TMEM266: variants seen among roughly 807,000 people sequenced by gnomAD.
TMEM266 encodes transmembrane protein 266.
TMEM266 carries 33 observed loss-of-function variants against 50.5 expected under a neutral mutation model. That is an observed-to-expected ratio of 0.65 (90% CI 0.50 to 0.87). The LOEUF (loss-of-function observed/expected upper bound fraction) is 0.87, where lower values mean the gene tolerates loss of function less well. Among genes scored for constraint, TMEM266 ranks in the 40% least tolerant of loss-of-function variants. The probability of loss-of-function intolerance (pLI) is 0.00; values close to 1 mark genes in which losing one functional copy is unlikely to be tolerated. For missense variants in TMEM266, 655 were observed against 695.1 expected (o/e 0.94, Z 0.65); for synonymous variants, 310 against 292.3 (o/e 1.06, Z -0.62).
At chr15:76,196,555 T>A (rs2038659937) in intron 9 of TMEM266, among the ~76,000 whole-genome samples, 1 of 152,198 alleles carries the variant, frequency 6.6e-6, no homozygotes. Flanking sequence ...GGAGATGAAG[T>A]AAGGGCAGTG....
At chr15:76,119,484 G>T (rs1055078241) in intron 1 of TMEM266, among the ~76,000 whole-genome samples, 1 of 151,944 alleles carries the variant, frequency 6.6e-6, no homozygotes. Flanking sequence ...ATTGTGACGG[G>T]AGCCGGGCGC....
At chr15:76,071,820 C>G (rs1482198336) in intron 1 of TMEM266, among the ~76,000 whole-genome samples, 1 of 152,176 alleles carries the variant, frequency 6.6e-6, no homozygotes, top group Non-Finnish European at 1.5e-5. Context: ...GCTGCAAGAC[C>G]TAGAGCTGTG....
Position 76,175,671 on chromosome 15 carries a change from A to AG in TMEM266, c.768+1dup. The AG allele has an allele frequency of 6.2e-7, 1 of 1,613,540 alleles. No homozygotes were observed. Among genetic ancestry groups the AG allele is most frequent in the Non-Finnish European group, 8.5e-7 (1 of 1,179,518 alleles). On this transcript the variant is annotated frameshift_variant, in exon 8 of 11. Coordinates refer to ENST00000388942, the MANE Select transcript of TMEM266 (RefSeq NM_152335.3). LOFTEE classifies it high-confidence loss of function. ...GGCTGACGCAGATCTGTCAGGAGCA[A>AG]GGGGTAATGCACTGCCACTTTCGGC...
At chr15:76,189,995 T>G (rs1015919476) in intron 8 of TMEM266, among the ~76,000 whole-genome samples, 2 of 152,262 alleles carry the variant, frequency 1.3e-5, no homozygotes, top group Non-Finnish European at 2.9e-5. Flanking sequence ...AGTGCCAGGT[T>G]GCTGCCTGGC....
intron 10 of TMEM266, among the ~76,000 whole-genome samples, chr15:76,203,293 A>C (rs1367767679): frequency 6.6e-6 from 1 of 151,908 alleles, no homozygotes; most frequent in Admixed American, 6.6e-5. Context: ...TGTGGCAAAT[A>C]ACCCTGCATC....
chr15:76,156,943 CT>C, intron 4 of TMEM266, among the ~76,000 whole-genome samples, 185 bp downstream of exon 4: 1 of 152,180 alleles, frequency 6.6e-6, no homozygotes, highest in African/African-American at 2.4e-5. Flanking sequence ...CAGCTTCTCT[CT>C]CTGTCACCCC....
At chr15:76,095,722 C>T (rs4886762) in intron 1 of TMEM266, among the ~76,000 whole-genome samples, 76,465 of 151,592 alleles carry the variant, frequency 0.5, 20,376 homozygotes, top group Admixed American at 0.67. Flanking sequence ...TGGTAGAATT[C>T]GGCTGTGAAT....
Position 76,073,392 on chromosome 15 carries a change from C to G in TMEM266, c.-97+13376C>G, listed in dbSNP as rs374887015. Among the ~76,000 whole-genome samples, 35 of 152,064 alleles carry G rather than the reference C, an allele frequency of 2.3e-4. No individual in the cohort carries two copies. In the East Asian group the frequency reaches 4.8e-3, roughly 21 times the overall value. ...GGATTACAGGTACCCGCCACCATGC[C>G]TGGCTAATTTTTGTATTTTTAGTAG... On this transcript the variant is annotated intron_variant, in intron 1 of 10. Coordinates refer to ENST00000388942, the MANE Select transcript of TMEM266 (RefSeq NM_152335.3).
intron 1 of TMEM266, among the ~76,000 whole-genome samples, chr15:76,125,359 G>T (rs529294923): frequency 6.6e-6 from 1 of 152,172 alleles, no homozygotes; most frequent in African/African-American, 2.4e-5. Flanking sequence ...TACTGAATGG[G>T]AGGAAGTATG....
chr15:76,154,819 G>A (rs2037900057), intron 3 of TMEM266, among the ~76,000 whole-genome samples: 1 of 152,228 alleles, frequency 6.6e-6, no homozygotes, highest in Admixed American at 6.5e-5. Context: ...GTTTCTTGAA[G>A]AGCTGTGAGC....
intron 3 of TMEM266, among the ~76,000 whole-genome samples, chr15:76,141,966 C>T (rs1342462513): frequency 3.3e-5 from 5 of 152,382 alleles, no homozygotes; most frequent in South Asian, 4.1e-4. Flanking sequence ...GACTATACCA[C>T]ACTTTGTTTA....
At chr15:76,090,319 T>C (rs2955743) in intron 1 of TMEM266, among the ~76,000 whole-genome samples, 123,952 of 151,530 alleles carry the variant, frequency 0.82, 50,834 homozygotes, top group Admixed American at 0.87. Flanking sequence ...TGACGAAACC[T>C]TGGCTCTACT....
chr15:76,159,144 G>C (rs1359543878), intron 4 of TMEM266, among the ~76,000 whole-genome samples: 1 of 152,150 alleles, frequency 6.6e-6, no homozygotes, highest in South Asian at 2.1e-4. Flanking sequence ...CAGTATCCCA[G>C]GGTATCCCAC....
chr15:76,083,183 G>A (rs114393588), intron 1 of TMEM266, among the ~76,000 whole-genome samples: 135 of 151,506 alleles, frequency 8.9e-4, no homozygotes, highest in African/African-American at 3.1e-3. Context: ...CAATGGTCAC[G>A]TGCTAGGTGC....
Position 76,137,716 on chromosome 15 carries a change from A to G in TMEM266, c.48A>G (p.Ile16Met). ...CTCCTCTCCAACCCAGGCCTGCCAT[A>G]GAAGGAGGAATTTCTGAAGTTGAGA... The change falls in exon 3 of 11, where the codon ATA becomes ATG. Residue 16 changes from isoleucine (I) to methionine (M), a missense_variant. Physicochemically the swap from Ile to Met is conservative, Grantham distance 10. This residue lies in a region of TMEM266 where 99 missense variants were observed against 110.8 expected (regional missense o/e 0.89). Transcript: ENST00000388942. 6.2e-7 allele frequency: 1 copy of G among 1,614,092 alleles called. No individual in the cohort carries two copies. Among genetic ancestry groups the G allele is most frequent in the East Asian group, 2.2e-5 (1 of 44,876 alleles).
chr15:76,152,698 T>A (rs1329773995), intron 3 of TMEM266, among the ~76,000 whole-genome samples: 1 of 112,210 alleles, frequency 8.9e-6, no homozygotes, highest in East Asian at 2.7e-4. Flanking sequence ...CATGTCGCTT[T>A]CTCACTGAGG....
intron 1 of TMEM266, among the ~76,000 whole-genome samples, chr15:76,116,244 T>C (rs2037244748): frequency 6.7e-6 from 1 of 149,444 alleles, no homozygotes; most frequent in East Asian, 2.0e-4. Flanking sequence ...ACACGAAGCT[T>C]GTCTAAGATC....
chr15:76,112,419 G>A (rs781283346), intron 1 of TMEM266: 8 of 152,170 alleles, frequency 5.3e-5, no homozygotes, highest in African/African-American at 1.9e-4. Context: ...TGTACTTTCT[G>A]CTCAGTTTTT....
chr15:76,170,992 G>A lies in TMEM266; in HGVS notation c.514-1G>A. On this transcript the variant is annotated splice_acceptor_variant, in intron 6 of 10. Transcript: ENST00000388942. LOFTEE classifies it high-confidence loss of function. Reference sequence around the variant, plus strand: ...GCACTGAAATGGGCCTCCTCTCACAGGTGTTTGACGGGGCTGTGATCATCC... The same window carrying A: ...GCACTGAAATGGGCCTCCTCTCACAAGTGTTTGACGGGGCTGTGATCATCC... The A allele has an allele frequency of 6.2e-7, 1 of 1,611,618 alleles. No individual in the cohort carries two copies. The highest frequency in any genetic ancestry group is 8.5e-7 in the Non-Finnish European group (1 of 1,179,144).
Sources: gnomAD v4.1 joint callset for allele counts (sites outside exome capture counted in the v4.1 genomes callset) on GRCh38, gnomAD v4.1.1 for gene constraint, gnomAD v4.1.1 regional missense constraint, MANE v1.5 for transcripts, NCBI Gene and HGNC (gene_info 2026-07-23, HGNC 2026-07-21) for gene names.